GSDMC: variants seen among roughly 807,000 people sequenced by gnomAD.
GSDMC encodes gasdermin-C.
A neutral mutation model predicts 58.0 loss-of-function variants in GSDMC; 59 were observed. The ratio of observed to expected loss-of-function variants is 1.02; its 90% confidence interval spans 0.82 to 1.26. The LOEUF (loss-of-function observed/expected upper bound fraction) is 1.26. Among genes scored for constraint, GSDMC ranks in the 50% most tolerant of loss-of-function variants. GSDMC has a pLI of 0.00. For synonymous variants in GSDMC, 241 were observed against 220.2 expected (o/e 1.09, Z -0.83); for missense variants, 659 against 598.5 (o/e 1.10, Z -1.06).
the GSDMC span, among the ~76,000 whole-genome samples, chr8:129,733,600 A>G: frequency 6.6e-6 from 1 of 152,226 alleles, no homozygotes; most frequent in African/African-American, 2.4e-5. Flanking sequence ...AAGGAAAACT[A>G]ACAAACAGAA....
At chr8:129,763,348 G>A (rs2033742580) in intron 4 of GSDMC, among the ~76,000 whole-genome samples, 1 of 152,126 alleles carries the variant, frequency 6.6e-6, no homozygotes, top group African/African-American at 2.4e-5. Flanking sequence ...TTGTCTTTTT[G>A]AGGTAAGTGT....
the GSDMC span, among the ~76,000 whole-genome samples, chr8:129,734,503 G>A: frequency 6.6e-6 from 1 of 152,212 alleles, no homozygotes; most frequent in East Asian, 1.9e-4. Flanking sequence ...CAAGCCAGAT[G>A]AGAGTGGGGG....
At position 129,777,461 on chromosome 8, in the gene GSDMC, T is replaced by C; in HGVS notation, c.127A>G (p.Lys43Glu). The change falls in exon 2 of 14, where the codon AAG (lysine) becomes GAG (glutamate). Residue 43 changes from lysine (K) to glutamate (E), a missense_variant. Lys to Glu is a moderately conservative substitution (Grantham distance 56). Coordinates refer to ENST00000276708, the MANE Select transcript of GSDMC (RefSeq NM_031415.3). ...LRQFVILRKK[K>E]DSRSSFWEQS... ...TCCCAAAATGATGAACGAGAATCCT[T>C]CTTCTTTCGTAATATAACAAACTGA... The C allele has an allele frequency of 6.2e-7, 1 of 1,612,940 alleles. No homozygotes were observed. Among genetic ancestry groups the C allele is most frequent in the South Asian group, 1.1e-5 (1 of 91,062 alleles).
intron 1 of GSDMC, among the ~76,000 whole-genome samples, chr8:129,781,326 A>G (rs1447716421): frequency 6.6e-6 from 1 of 152,226 alleles, no homozygotes; most frequent in Non-Finnish European, 1.5e-5. Flanking sequence ...ATAAAAACAC[A>G]GGAATGGAAA....
At chr8:129,771,385 C>T (rs1435289308) in intron 3 of GSDMC, among the ~76,000 whole-genome samples, 1 of 143,106 alleles carries the variant, frequency 7.0e-6, no homozygotes, top group Non-Finnish European at 1.5e-5. Context: ...CTCCAGAGCA[C>T]ATGGAACATT....
intron 3 of GSDMC, among the ~76,000 whole-genome samples, chr8:129,768,776 G>A (rs887326171): frequency 6.6e-6 from 1 of 152,150 alleles, no homozygotes; most frequent in African/African-American, 2.4e-5. Flanking sequence ...GAGATAAAAA[G>A]CTTATTTGTA....
At chr8:129,765,399 T>C (rs2033819034) in intron 4 of GSDMC, among the ~76,000 whole-genome samples, 1 of 152,188 alleles carries the variant, frequency 6.6e-6, no homozygotes, top group Non-Finnish European at 1.5e-5. Context: ...ATTTCTGATT[T>C]TGTCAATACT....
intron 4 of GSDMC, among the ~76,000 whole-genome samples, chr8:129,764,063 A>G (rs1253177486): frequency 1.3e-5 from 2 of 152,228 alleles, no homozygotes; most frequent in Non-Finnish European, 2.9e-5. Flanking sequence ...TGAAAATAAA[A>G]TATTATCTCT....
At chr8:129,734,917 C>G in the GSDMC span, among the ~76,000 whole-genome samples, 1 of 152,192 alleles carries the variant, frequency 6.6e-6, no homozygotes, top group East Asian at 1.9e-4. Flanking sequence ...TCAGGACACC[C>G]ATCTCACATG....
At chr8:129,747,774 G>A (rs76813577), downstream of GSDMC, among the ~76,000 whole-genome samples, 6,780 of 152,250 alleles carry the variant, frequency 0.045, 269 homozygotes, top group East Asian at 0.19. Flanking sequence ...GAGGGCTATG[G>A]TGAGTCGGCT....
chr8:129,709,708 C>T, the GSDMC span, among the ~76,000 whole-genome samples: 1 of 152,096 alleles, frequency 6.6e-6, no homozygotes, highest in Non-Finnish European at 1.5e-5. Flanking sequence ...TTATCTGACC[C>T]CTTCCCAATT....
chr8:129,734,913 C>A, the GSDMC span, among the ~76,000 whole-genome samples: 3 of 152,192 alleles, frequency 2.0e-5, no homozygotes, highest in African/African-American at 7.2e-5. Context: ...GTATTCAGGA[C>A]ACCCATCTCA....
At chr8:129,772,012 C>G (rs994083387) in intron 3 of GSDMC, among the ~76,000 whole-genome samples, 3 of 152,132 alleles carry the variant, frequency 2.0e-5, no homozygotes, top group Admixed American at 1.3e-4. Flanking sequence ...CACCTGTAAT[C>G]CCAGCACTTT....
the GSDMC span, among the ~76,000 whole-genome samples, chr8:129,724,192 A>G: frequency 2.0e-5 from 3 of 152,156 alleles, no homozygotes; most frequent in Non-Finnish European, 4.4e-5. Context: ...TTCAAAACAG[A>G]TCCTCCAGCC....
the GSDMC span, among the ~76,000 whole-genome samples, chr8:129,712,329 T>C: frequency 6.6e-6 from 1 of 152,148 alleles, no homozygotes; most frequent in Non-Finnish European, 1.5e-5. Context: ...CGATGGATGG[T>C]CCAGGATAGT....
At chr8:129,766,989 C>G (rs993856925) in intron 3 of GSDMC, among the ~76,000 whole-genome samples, 2 of 152,202 alleles carry the variant, frequency 1.3e-5, no homozygotes, top group African/African-American at 4.8e-5. Flanking sequence ...ACACTACATT[C>G]CTACTAGCAG....
chr8:129,735,301 T>C, the GSDMC span, among the ~76,000 whole-genome samples: 2 of 152,160 alleles, frequency 1.3e-5, no homozygotes, highest in Admixed American at 6.5e-5. Context: ...CTGCACCAAG[T>C]GGACCTAATA....
At chr8:129,713,030 T>C in the GSDMC span, among the ~76,000 whole-genome samples, 1 of 152,368 alleles carries the variant, frequency 6.6e-6, no homozygotes, top group East Asian at 1.9e-4. Flanking sequence ...CAGTGATCTT[T>C]GCTATGCCTT....
At chr8:129,716,577 A>G in the GSDMC span, among the ~76,000 whole-genome samples, 14 of 152,166 alleles carry the variant, frequency 9.2e-5, no homozygotes, top group Non-Finnish European at 1.9e-4. Flanking sequence ...AGACAACTTG[A>G]CTTCCTCTCT....
Sources: allele counts gnomAD v4.1 joint callset (sites outside exome capture counted in the v4.1 genomes callset), GRCh38; gene constraint gnomAD v4.1.1; transcripts MANE v1.5; gene names NCBI Gene and HGNC (gene_info 2026-07-23, HGNC 2026-07-21).